MAP3K14: variants seen among roughly 807,000 people sequenced by gnomAD.
The protein encoded by MAP3K14 is NF-kappa-beta-inducing kinase.
A neutral mutation model predicts 99.2 loss-of-function variants in MAP3K14; 16 were observed. The ratio of observed to expected loss-of-function variants is 0.16; its 90% CI spans 0.11 to 0.24. MAP3K14 has a LOEUF of 0.24. MAP3K14 is among the 10% of genes least tolerant of loss of function. The pLI is 1.00. For missense variants in MAP3K14, 784 were observed against 1,208.7 expected, an observed-to-expected ratio of 0.65 and a Z score of 5.21; for synonymous variants, 462 against 492.4, an observed-to-expected ratio of 0.94 and a Z score of 0.82.
At chr17:45,279,918 C>G (rs1024192705) in intron 6 of MAP3K14, among the ~76,000 whole-genome samples, 1 of 152,194 alleles carries the variant, frequency 6.6e-6, no homozygotes, top group African/African-American at 2.4e-5. Flanking sequence ...TCCTCTGATC[C>G]TTGTGCTATT....
intron 2 of MAP3K14, 106 bp from the exon 3 acceptor site, chr17:45,289,411 C>T (rs190508029): frequency 1.2e-6 from 1 of 834,974 alleles, no homozygotes; most frequent in East Asian, 2.6e-5. Context: ...TCCTTCCCCT[C>T]CTTTCCAGAC....
chr17:45,298,274 C>T (rs962617615), intron 1 of MAP3K14, among the ~76,000 whole-genome samples: 11 of 151,898 alleles, frequency 7.2e-5, no homozygotes, highest in African/African-American at 2.7e-4. Context: ...CAATCTGATA[C>T]AAGGCAAGGC....
intron 6 of MAP3K14, 52 bp from the exon 7 acceptor site, chr17:45,274,645 G>T: frequency 6.3e-7 from 1 of 1,591,926 alleles, no homozygotes. Flanking sequence ...ACCAGAGCTG[G>T]GTCCCTGGCA....
At chr17:45,312,310 C>G (rs991197603) in intron 1 of MAP3K14, among the ~76,000 whole-genome samples, 1 of 152,194 alleles carries the variant, frequency 6.6e-6, no homozygotes, top group South Asian at 2.1e-4. Flanking sequence ...AAGTGCAGAG[C>G]TGCCACGCCA....
chr17:45,273,084 T>C (rs1421211815), intron 9 of MAP3K14, among the ~76,000 whole-genome samples: 1 of 152,242 alleles, frequency 6.6e-6, no homozygotes, highest in African/African-American at 2.4e-5. Context: ...TAAAGAAAGA[T>C]ATTTCACTGA....
chr17:45,294,013 C>T (rs1211264120), intron 1 of MAP3K14, among the ~76,000 whole-genome samples: 1 of 152,270 alleles, frequency 6.6e-6, no homozygotes, highest in African/African-American at 2.4e-5. Flanking sequence ...ATGGCCCTAA[C>T]ACTTTGCCCC....
chr17:45,271,245 A>T, intron 9 of MAP3K14, 24 bp from the exon 10 acceptor site: 1 of 1,584,850 alleles, frequency 6.3e-7, no homozygotes. Context: ...TGAGACATAA[A>T]GTTACCTGGA....
chr17:45,290,789 A>C, intron 1 of MAP3K14, 24 bp from the exon 2 acceptor site: 2 of 1,595,168 alleles, frequency 1.3e-6, no homozygotes, highest in Non-Finnish European at 1.7e-6. Context: ...AACACAGAGC[A>C]GGTCACTTAG....
At chr17:45,313,096 T>C (rs1293243964) in intron 1 of MAP3K14, among the ~76,000 whole-genome samples, 1 of 152,086 alleles carries the variant, frequency 6.6e-6, no homozygotes, top group East Asian at 1.9e-4. Flanking sequence ...GAGGGCAGTA[T>C]ATAGTGTAAG....
At chr17:45,312,724 A>AG (rs147565227) in intron 1 of MAP3K14, among the ~76,000 whole-genome samples, 1 of 152,294 alleles carries the variant, frequency 6.6e-6, no homozygotes, top group Non-Finnish European at 1.5e-5. Context: ...TGAGATTTAA[A>AG]GGGGAATCTG....
chr17:45,304,227 C>T (rs1340251384), intron 1 of MAP3K14, among the ~76,000 whole-genome samples: 1 of 151,972 alleles, frequency 6.6e-6, no homozygotes, highest in Non-Finnish European at 1.5e-5. Flanking sequence ...TGGTCTTGAA[C>T]TCCTGACCTC....
At chr17:45,309,292 C>T (rs960070432) in intron 1 of MAP3K14, among the ~76,000 whole-genome samples, 3 of 152,222 alleles carry the variant, frequency 2.0e-5, no homozygotes, top group Non-Finnish European at 4.4e-5. Context: ...CTGCAGAATC[C>T]GAGACGCTCT....
intron 1 of MAP3K14, among the ~76,000 whole-genome samples, chr17:45,304,527 C>G (rs1568001337): frequency 6.6e-6 from 1 of 152,136 alleles, no homozygotes; most frequent in Non-Finnish European, 1.5e-5. Flanking sequence ...ATCTTTTCTC[C>G]TGTTTCTATG....
chr17:45,265,154 C>T lies in MAP3K14; in HGVS notation c.2679+9G>A, dbSNP rs781662471. On this transcript the variant is annotated intron_variant, in intron 15 of 15. Transcript: ENST00000344686. ...ACTCTGCCCGTCAGAGTGTACCTGC[C>T]CCCCTTACCTGGCTGCTGATGCCAG... 6.2e-7 allele frequency: 1 copy of T among 1,610,048 alleles called. No individual in the cohort carries two copies. Among genetic ancestry groups the T allele is most frequent in the Non-Finnish European group, 8.5e-7 (1 of 1,176,368 alleles).
intron 11 of MAP3K14, among the ~76,000 whole-genome samples, chr17:45,269,178 T>G (rs2044123177): frequency 6.6e-6 from 1 of 152,064 alleles, no homozygotes; most frequent in African/African-American, 2.4e-5. Flanking sequence ...GCCTGGCTAA[T>G]TTTTAAATTT....
Position 45,274,231 on chromosome 17 carries a change from T to C in MAP3K14, c.1444A>G (p.Lys482Glu). The change falls in exon 8 of 16, where the codon AAG (lysine) becomes GAG (glutamate). Residue 482 changes from lysine to glutamate, a missense_variant. Lys to Glu is a moderately conservative substitution (Grantham distance 56). Coordinates refer to ENST00000344686, the MANE Select transcript of MAP3K14 (RefSeq NM_003954.5). Reference sequence around the variant, plus strand: ...TCCTCTGGGAGACAGCCCTGCTCCTTGACCAGCTGGCCCAGGGAGCCACCT... The same window carrying C: ...TCCTCTGGGAGACAGCCCTGCTCCTCGACCAGCTGGCCCAGGGAGCCACCT... Reference protein sequence around the residue: ...LEGGSLGQLVKEQGCLPEDRA... With the variant: ...LEGGSLGQLVEEQGCLPEDRA... The C allele has an allele frequency of 6.3e-7, 1 of 1,599,582 alleles. No homozygotes were observed. Among genetic ancestry groups the C allele is most frequent in the Admixed American group, 1.7e-5 (1 of 57,644 alleles).
At chr17:45,264,874 C>T in intron 15 of MAP3K14, 74 bp from the exon 16 acceptor site, 1 of 1,496,886 alleles carries the variant, frequency 6.7e-7, no homozygotes, top group Non-Finnish European at 9.1e-7. Context: ...AAAGACATCT[C>T]CTTCCAGCCA....
At chr17:45,270,658 T>G (rs1341448294) in intron 10 of MAP3K14, 95 bp from the exon 11 acceptor site, 2 of 1,419,622 alleles carry the variant, frequency 1.4e-6, no homozygotes, top group Admixed American at 2.9e-5. Context: ...CGGCCCCTGT[T>G]CCCGCTGTGC....
rs767056263 is a variant in MAP3K14, at chr17:45,287,201, G to C, written c.490C>G (p.Pro164Ala). 6.2e-7 allele frequency: 1 copy of C among 1,613,974 alleles called. No individual in the cohort carries two copies. The highest frequency in any genetic ancestry group is 8.5e-7 in the Non-Finnish European group (1 of 1,179,868). The change falls in exon 4 of 16, where the codon CCC becomes GCC. Residue 164 changes from proline (P) to alanine (A), a missense_variant. This residue lies in a region of MAP3K14 where 188 missense variants were observed against 313.0 expected (regional missense o/e 0.60). Transcript: ENST00000344686. ...LAHAGVALAK[P>A]LPRTPEQESC... ...TCCTGCTCAGGGGTCCTGGGGAGGG[G>C]TTTGGCCAAGGCCACTCCTGCATGA... is the stretch of plus-strand genomic sequence containing the variant.
Sources: gnomAD v4.1 joint callset for allele counts (sites outside exome capture counted in the v4.1 genomes callset) on GRCh38, gnomAD v4.1.1 for gene constraint, gnomAD v4.1.1 regional missense constraint, MANE v1.5 for transcripts, NCBI Gene and HGNC (gene_info 2026-07-23, HGNC 2026-07-21) for gene names.